The following ADGRF5 variants were observed in gnomAD, a reference collection of about 807,000 sequenced individuals.
ADGRF5 encodes the protein G-protein coupled receptor 116.
In ADGRF5, 75 loss-of-function variants were observed where a neutral mutation model predicts 132.3. The observed-to-expected ratio is 0.57, with a 90% CI of 0.47 to 0.69. The LOEUF is 0.69. Among genes scored for constraint, ADGRF5 ranks in the 30% least tolerant of loss-of-function variants. The pLI, the probability that ADGRF5 is intolerant of heterozygous loss-of-function variation, is 0.00. For missense variants in ADGRF5, 1,516 were observed against 1,630.6 expected (o/e 0.93, Z 1.21); for synonymous variants, 629 against 597.6 (o/e 1.05, Z -0.77).
At chr6:46,925,130 C>T (rs558375133), upstream of ADGRF5, among the ~76,000 whole-genome samples, 3 of 152,348 alleles carry the variant, frequency 2.0e-5, no homozygotes, top group African/African-American at 7.2e-5. Context: ...TCATGATCTG[C>T]ACCACCTTCT....
rs796498626 is a variant in ADGRF5 at position 46,877,239 on chromosome 6, C to CTTTCT, written c.1240+958_1240+962dup. 1.3e-3 allele frequency among the ~76,000 whole-genome samples: 38 copies of CTTTCT among 28,324 alleles called. No homozygotes were observed. In the South Asian group the frequency reaches 0.026, roughly 20 times the overall value. The allele number at this position is 28,324 out of a possible 152,430, so 18.6% of individuals were successfully genotyped here. A position where few individuals can be genotyped will look rare whatever the true frequency, so the allele number is the denominator to read the frequency against. ...ATTTATTTCCTCTCTTTCTTTCTTT[C>CTTTCT]TTTCTTTCTTTCTTTCTTTCTTTCT... On this transcript the variant is annotated intron_variant, in intron 10 of 20. Coordinates refer to ENST00000283296, the MANE Select transcript of ADGRF5 (RefSeq NM_001098518.2).
chr6:46,855,442 A>G (rs1768932674), intron 20 of ADGRF5, among the ~76,000 whole-genome samples: 1 of 152,266 alleles, frequency 6.6e-6, no homozygotes, highest in African/African-American at 2.4e-5. Context: ...TTTCTAATAG[A>G]ATAGCTAACT....
At chr6:46,879,416 T>A (rs1046438246) in intron 9 of ADGRF5, among the ~76,000 whole-genome samples, 3 of 152,056 alleles carry the variant, frequency 2.0e-5, no homozygotes, top group African/African-American at 7.2e-5. Flanking sequence ...GTTCTCATGA[T>A]AGGGAGTGAG....
chr6:46,854,052 G>A lies in ADGRF5; in HGVS notation c.3981C>T (p.Thr1327=). Residue 1327 remains threonine, a synonymous_variant, in exon 21 of 21, where the codon ACC becomes ACT. Transcript: ENST00000283296. The part of the protein sequence containing the change: ...FGKTGTYNVS[T]PEATSSSLEN... ...CCAGGGATGAGCTGGTTGCTTCTGG[G>A]GTGGAAACATTATACGTTCCTGAAA... The A allele has an allele frequency of 1.2e-6, 2 of 1,602,818 alleles. No individual in the cohort carries two copies. The highest frequency in any genetic ancestry group is 1.7e-6 in the Non-Finnish European group (2 of 1,176,038).
chr6:46,933,965 C>A (rs1398834907), intron 1 of ADGRF5, among the ~76,000 whole-genome samples: 4 of 152,222 alleles, frequency 2.6e-5, no homozygotes, highest in Non-Finnish European at 5.9e-5. Flanking sequence ...AAAACCACAT[C>A]TATTTTTAGT....
At chr6:46,931,461 T>G (rs1422035467) in intron 1 of ADGRF5, among the ~76,000 whole-genome samples, 1 of 152,228 alleles carries the variant, frequency 6.6e-6, no homozygotes, top group Non-Finnish European at 1.5e-5. Flanking sequence ...CAATGGTCAA[T>G]TAGCTGTTCT....
intron 17 of ADGRF5, among the ~76,000 whole-genome samples, chr6:46,857,766 T>C (rs540801088): frequency 1.9e-3 from 161 of 86,340 alleles, no homozygotes; most frequent in Non-Finnish European, 3.7e-3. Context: ...GGTATAGTGA[T>C]GAACAAGAAA....
intron 7 of ADGRF5, 72 bp downstream of exon 7, chr6:46,881,977 G>C (rs527873631): frequency 2.7e-6 from 3 of 1,110,860 alleles, no homozygotes; most frequent in East Asian, 4.7e-5. Context: ...GCCTCTCTAG[G>C]GGGTTTACCT....
chr6:46,854,085 C>G lies in ADGRF5; in HGVS notation c.3962-14G>C, dbSNP rs1768765763. 6.3e-7 allele frequency: 1 copy of G among 1,578,112 alleles called. No individual in the cohort carries two copies. Among genetic ancestry groups the G allele is most frequent in the African/African-American group, 1.4e-5 (1 of 72,762 alleles). On this transcript the variant is annotated splice_polypyrimidine_tract_variant and intron_variant, in intron 20 of 20. Transcript: ENST00000283296. ...CATTATACGTTCCTGAAAAACAGAG[C>G]AGCAACTCAGCCTTGAAGACAAGCC...
In ADGRF5 at chr6:46,863,623, C is replaced by CTT. The variant is rs1474883607; in HGVS notation, c.1991-528_1991-527insAA. The stretch of plus-strand genomic sequence containing the variant: ...TTCCCTTAGAGGTGATTCTATTTCA[C>CTT]CTCTTCTCATGACCAGGCAAGGATG... On this transcript the variant is annotated intron_variant, in intron 14 of 20. Transcript: ENST00000283296. 1.2e-4 allele frequency among the ~76,000 whole-genome samples: 19 copies of CTT among 152,282 alleles called. 1 individual carries two copies. In the South Asian group the frequency reaches 3.9e-3, roughly 32 times the overall value.
intron 3 of ADGRF5, among the ~76,000 whole-genome samples, chr6:46,898,202 G>A (rs1485587315): frequency 6.6e-6 from 1 of 152,200 alleles, no homozygotes; most frequent in Non-Finnish European, 1.5e-5. Flanking sequence ...TGGCTCAGAA[G>A]TGCAGGAAGA....
At chr6:46,883,439 G>C (rs1206705428) in intron 6 of ADGRF5, 120 bp downstream of exon 6, 3 of 642,096 alleles carry the variant, frequency 4.7e-6, no homozygotes, top group African/African-American at 3.8e-5. Flanking sequence ...AGATGTAAAA[G>C]AATAATAAAT....
At chr6:46,949,268 G>A (rs1778408286) in intron 1 of ADGRF5, among the ~76,000 whole-genome samples, 1 of 152,236 alleles carries the variant, frequency 6.6e-6, no homozygotes, top group African/African-American at 2.4e-5. Context: ...AAGGCATGCT[G>A]AGATGCTGCC....
rs549945311 is a variant in ADGRF5 at position 46,854,067 on chromosome 6, C to T, written c.3966G>A (p.Thr1322=). 1.4e-5 allele frequency: 23 copies of T among 1,594,220 alleles called. No individual in the cohort carries two copies. In the East Asian group the frequency reaches 3.0e-4, roughly 21 times the overall value. The stretch of plus-strand genomic sequence containing the variant: ...TTGCTTCTGGGGTGGAAACATTATA[C>T]GTTCCTGAAAAACAGAGCAGCAACT... ...RFNNLFGKTG[T]YNVSTPEATS... Residue 1322 remains threonine, a synonymous_variant, in exon 21 of 21, where the codon ACG becomes ACA. Coordinates refer to ENST00000283296, the MANE Select transcript of ADGRF5 (RefSeq NM_001098518.2).
intron 1 of ADGRF5, among the ~76,000 whole-genome samples, chr6:46,929,796 A>T: frequency 6.7e-6 from 1 of 149,724 alleles, no homozygotes; most frequent in East Asian, 2.0e-4. Flanking sequence ...TATTCTTCTT[A>T]TTATTTTTAT....
Position 46,930,213 on chromosome 6 carries a change from C to T in ADGRF5, c.-24-23427G>A, listed in dbSNP as rs147930575. Among the ~76,000 whole-genome samples, 199 of 152,210 alleles carry T rather than the reference C, an allele frequency of 1.3e-3. 1 individual carries two copies. The highest frequency in any genetic ancestry group is 0.01 in the Middle Eastern group (3 of 292). On this transcript the variant is annotated intron_variant, in intron 1 of 20. Transcript: ENST00000265417. ...TTAATTAAAAGTGTAGCGAATGGCA[C>T]CACAGTATGAAAAATAAGATGCCAG...
At chr6:46,909,839 T>C (rs1034194851) in intron 1 of ADGRF5, among the ~76,000 whole-genome samples, 1 of 151,962 alleles carries the variant, frequency 6.6e-6, no homozygotes, top group Non-Finnish European at 1.5e-5. Flanking sequence ...AAAAAAGTTT[T>C]TTTTTTTGTA....
rs1768741002 is a variant in ADGRF5, at chr6:46,853,875, G to A, written c.*117C>T. The A allele has an allele frequency of 6.0e-6, 4 of 670,164 alleles. No homozygotes were observed. Among genetic ancestry groups the A allele is most frequent in the Admixed American group, 5.5e-5 (2 of 36,270 alleles). 41.5% of individuals were successfully genotyped at this position (670,164 alleles called of 1,614,324 possible). ...CTCTTCTCTATGAAAAAGTCTTTTT[G>A]GCATCTGCTCCCGGAAACCTGCCCC... On this transcript the variant is annotated 3_prime_UTR_variant, in exon 21 of 21. Coordinates refer to ENST00000283296, the MANE Select transcript of ADGRF5 (RefSeq NM_001098518.2).
chr6:46,932,985 C>T (rs564913441), intron 1 of ADGRF5, among the ~76,000 whole-genome samples: 5 of 152,148 alleles, frequency 3.3e-5, no homozygotes, highest in Admixed American at 6.5e-5. Flanking sequence ...TGAAACTCAG[C>T]GCCAAGAAAT....
Sources: allele counts gnomAD v4.1 joint callset (sites outside exome capture counted in the v4.1 genomes callset), GRCh38; gene constraint gnomAD v4.1.1; transcripts MANE v1.5; gene names NCBI Gene and HGNC (gene_info 2026-07-23, HGNC 2026-07-21).